The following CEP83 variants were observed in gnomAD, a reference collection of about 807,000 sequenced individuals.
CEP83 encodes the protein centrosomal protein of 83 kDa.
CEP83 carries 70 observed loss-of-function variants against 101.9 expected under a neutral mutation model. The observed-to-expected ratio is 0.69, with a 90% CI of 0.57 to 0.84. CEP83 has a LOEUF of 0.84. Among genes scored for constraint, CEP83 ranks in the 40% least tolerant of loss-of-function variants. CEP83 has a pLI of 0.00. For missense variants in CEP83, 715 were observed against 787.2 expected (o/e 0.91, Z 1.10); for synonymous variants, 264 against 267.9 (o/e 0.99, Z 0.14).
chr12:94,353,953 T>C (rs1381798379), intron 11 of CEP83, among the ~76,000 whole-genome samples: 1 of 151,340 alleles, frequency 6.6e-6, no homozygotes, highest in Non-Finnish European at 1.5e-5. Flanking sequence ...CAATAGTAAA[T>C]ATGTATGCAT....
At chr12:94,340,739 G>C (rs145967340) in intron 11 of CEP83, among the ~76,000 whole-genome samples, 3 of 152,124 alleles carry the variant, frequency 2.0e-5, no homozygotes, top group Non-Finnish European at 4.4e-5. Flanking sequence ...GCCCAGCCTC[G>C]ACTCTAGACT....
the CEP83 span, chr12:94,272,126 T>C: frequency 1.3e-5 from 2 of 152,118 alleles, no homozygotes; most frequent in Non-Finnish European, 2.9e-5. Flanking sequence ...TTTCCAATAG[T>C]CTTTTCTTTC....
the CEP83 span, among the ~76,000 whole-genome samples, chr12:94,283,164 C>T: frequency 3.9e-3 from 578 of 149,648 alleles, 4 homozygotes; most frequent in East Asian, 0.041. Flanking sequence ...CAAAAAAGGA[C>T]GGAGAGACAA....
chr12:94,452,178 G>A (rs2067304011), intron 1 of CEP83, among the ~76,000 whole-genome samples: 1 of 152,104 alleles, frequency 6.6e-6, no homozygotes, highest in African/African-American at 2.4e-5. Flanking sequence ...GTTCTCTGGG[G>A]CTGTGGGAAG....
downstream of CEP83, chr12:94,306,416 G>A (rs1056879799): frequency 1.3e-5 from 2 of 152,046 alleles, no homozygotes; most frequent in Admixed American, 6.6e-5. Flanking sequence ...TTTTATTCAT[G>A]CCTTTCTTTT....
At chr12:94,284,169 C>T in the CEP83 span, among the ~76,000 whole-genome samples, 1 of 151,968 alleles carries the variant, frequency 6.6e-6, no homozygotes, top group Non-Finnish European at 1.5e-5. Flanking sequence ...ATTTTATCCC[C>T]AGGAGCAATT....
chr12:94,288,279 G>A, the CEP83 span, among the ~76,000 whole-genome samples: 2 of 152,156 alleles, frequency 1.3e-5, no homozygotes, highest in Admixed American at 6.5e-5. Context: ...CCAGCAGTCC[G>A]TGAAGATGAC....
intron 11 of CEP83, among the ~76,000 whole-genome samples, chr12:94,342,439 C>G (rs537263310): frequency 3.6e-4 from 54 of 152,004 alleles, no homozygotes; most frequent in Non-Finnish European, 6.8e-4. Context: ...AAAACCATAC[C>G]CTTAGCATAA....
chr12:94,350,657 T>A (rs2060157578), intron 11 of CEP83, among the ~76,000 whole-genome samples: 1 of 151,858 alleles, frequency 6.6e-6, no homozygotes, highest in African/African-American at 2.4e-5. Flanking sequence ...GAAAATAAAT[T>A]TTTCTGCAAC....
chr12:94,353,549 T>A (rs75458002), intron 11 of CEP83, among the ~76,000 whole-genome samples: 1 of 151,720 alleles, frequency 6.6e-6, no homozygotes, highest in African/African-American at 2.4e-5. Context: ...AGAAAACAAT[T>A]AACAAAATGA....
chr12:94,307,024 A>G (rs1010255609), downstream of CEP83: 10 of 152,238 alleles, frequency 6.6e-5, no homozygotes, highest in Non-Finnish European at 1.3e-4. Context: ...AGCCAAGGGT[A>G]GGAGAGTTGC....
intron 11 of CEP83, among the ~76,000 whole-genome samples, chr12:94,362,357 C>A (rs571056918): frequency 2.0e-5 from 3 of 152,266 alleles, no homozygotes; most frequent in South Asian, 4.1e-4. Context: ...CGGTGGCTCA[C>A]GCTTATAATC....
chr12:94,417,067 C>A (rs1407876609), intron 2 of CEP83, among the ~76,000 whole-genome samples: 13 of 152,104 alleles, frequency 8.5e-5, no homozygotes, highest in African/African-American at 2.7e-4. Context: ...CAAATCCCAG[C>A]CACTCAGAAA....
intron 11 of CEP83, among the ~76,000 whole-genome samples, chr12:94,343,665 A>G (rs1441712871): frequency 2.0e-4 from 29 of 144,278 alleles, no homozygotes; most frequent in African/African-American, 5.6e-4. Context: ...AATTTTTTGT[A>G]TTTTTTTTTA....
intron 15 of CEP83, among the ~76,000 whole-genome samples, chr12:94,310,345 A>G (rs1192459482): frequency 6.6e-6 from 1 of 152,172 alleles, no homozygotes; most frequent in African/African-American, 2.4e-5. Context: ...TGCTAATTAA[A>G]GATCTAAAAT....
In CEP83 at chr12:94,410,217, AAGTTCCTGC is replaced by A. The variant is rs544062721; in HGVS notation, c.324+1471_324+1479del. Among the ~76,000 whole-genome samples the A allele has an allele frequency of 3.9e-5, 6 of 152,340 alleles. No individual in the cohort carries two copies. In the South Asian group the frequency reaches 1.2e-3, roughly 32 times the overall value. On this transcript the variant is annotated intron_variant, in intron 4 of 16. Coordinates refer to ENST00000397809, the MANE Select transcript of CEP83 (RefSeq NM_016122.3). ...TAAACACTGAAGACACACTGAAAAA[AAGTTCCTGC>A]CTTCATGGAGCCTGAATTCAAATAA...
intron 2 of CEP83, among the ~76,000 whole-genome samples, chr12:94,432,148 A>G (rs1291658825): frequency 6.6e-6 from 1 of 150,862 alleles, no homozygotes; most frequent in Non-Finnish European, 1.5e-5. Context: ...TCTGCCTCCC[A>G]GGTTCACACC....
At chr12:94,318,146 A>G (rs1169055760) in intron 14 of CEP83, among the ~76,000 whole-genome samples, 1 of 152,094 alleles carries the variant, frequency 6.6e-6, no homozygotes, top group Non-Finnish European at 1.5e-5. Flanking sequence ...ACCCACATTT[A>G]GCTGTATTCC....
chr12:94,272,632 A>T, the CEP83 span, among the ~76,000 whole-genome samples: 3 of 152,296 alleles, frequency 2.0e-5, no homozygotes, highest in South Asian at 6.2e-4. Flanking sequence ...CCCACTGGGC[A>T]TGGTGGCTCA....
Sources: allele counts gnomAD v4.1 joint callset (sites outside exome capture counted in the v4.1 genomes callset), GRCh38; gene constraint gnomAD v4.1.1; transcripts MANE v1.5; gene names NCBI Gene and HGNC (gene_info 2026-07-23, HGNC 2026-07-21).